The following LYPD4 variants were observed in gnomAD, a reference collection of about 807,000 sequenced individuals.
The protein encoded by LYPD4 is LY6/PLAUR domain containing 4.
In LYPD4, 20 loss-of-function variants were observed where a neutral mutation model predicts 18.2. The observed-to-expected ratio is 1.10, with a 90% confidence interval of 0.77 to 1.59. LYPD4 has a LOEUF of 1.59. LYPD4 is among the 40% of genes most tolerant of loss of function. LYPD4 has a pLI of 0.00. For missense variants in LYPD4, 278 were observed against 300.3 expected (o/e 0.93, Z 0.55); for synonymous variants, 111 against 118.3 (o/e 0.94, Z 0.40).
At chr19:41,836,532 A>T (rs2123062670), downstream of LYPD4, among the ~76,000 whole-genome samples, 1 of 152,028 alleles carries the variant, frequency 6.6e-6, no homozygotes, top group South Asian at 2.1e-4. Context: ...CTGTATGTAA[A>T]ACACTAGCAC....
intron 3 of LYPD4, 79 bp downstream of exon 3, chr19:41,838,802 C>T (rs2073468583): frequency 2.2e-6 from 3 of 1,347,116 alleles, no homozygotes; most frequent in Non-Finnish European, 3.1e-6. Context: ...TTCTAATCTA[C>T]AGTCCCTCGG....
intron 2 of LYPD4, 44 bp from the exon 3 acceptor site, chr19:41,839,068 C>T (rs781886319): frequency 6.2e-7 from 1 of 1,611,180 alleles, no homozygotes; most frequent in South Asian, 1.1e-5. Context: ...CTCATATCAT[C>T]TTCTGAGCCC....
intron 1 of LYPD4, among the ~76,000 whole-genome samples, chr19:41,842,677 C>T (rs371356833): frequency 7.1e-6 from 1 of 140,738 alleles, no homozygotes; most frequent in African/African-American, 2.6e-5. Flanking sequence ...AGAAGAATTG[C>T]TTGAACCCAG....
chr19:41,837,783 C>T (rs1176118951), intron 4 of LYPD4, 152 bp downstream of exon 4: 5 of 801,878 alleles, frequency 6.2e-6, no homozygotes, highest in Admixed American at 3.2e-5. Context: ...AGGCACCAGG[C>T]GCCTTCCCCT....
rs1331307799 is a variant in LYPD4, at chr19:41,838,185, A to G, written c.288T>C (p.Val96=). 1.8e-5 allele frequency: 29 copies of G among 1,596,584 alleles called. No individual in the cohort carries two copies. Among genetic ancestry groups the G allele is most frequent in the Non-Finnish European group, 2.5e-5 (29 of 1,169,728 alleles). ...SSYPAQISYL[V]SPPGVSIASY... is the part of the protein sequence containing the mutation. ...AGGCAATGGACACTCCGGGTGGGGA[A>G]ACAAGGTAGGAGATTTGCGCAGGGT... The change falls in exon 4 of 5, where the codon GTT becomes GTC. Residue 96 remains valine (V), a synonymous_variant. Transcript: ENST00000609812.
At chr19:41,842,184 A>T (rs564160897) in intron 1 of LYPD4, among the ~76,000 whole-genome samples, 1 of 152,168 alleles carries the variant, frequency 6.6e-6, no homozygotes, top group East Asian at 1.9e-4. Flanking sequence ...CTGGGACTAC[A>T]GGTGTGCGCC....
chr19:41,836,287 CAAAAAAAAAAAAAAAAAAAAAAAAAAA>C (rs531204341), downstream of LYPD4, among the ~76,000 whole-genome samples: 47 of 19,948 alleles, frequency 2.4e-3, no homozygotes, highest in Admixed American at 9.1e-3. Context: ...GCCAACTTAC[CAAAAAAAAAAAAAAAAAAAAAAAAAAA>C]AAAAAAAAAA....
intron 1 of LYPD4, among the ~76,000 whole-genome samples, chr19:41,840,665 T>C (rs2073554268): frequency 6.6e-6 from 1 of 150,582 alleles, no homozygotes; most frequent in South Asian, 2.1e-4. Flanking sequence ...ACCCCATCTC[T>C]AAAAACACAA....
chr19:41,842,764 C>CAAAAAAAAAAAAAAAAAAAAAAAAAA (rs782233081), intron 1 of LYPD4, among the ~76,000 whole-genome samples: 1 of 49,794 alleles, frequency 2.0e-5, no homozygotes, highest in Non-Finnish European at 3.2e-5. Context: ...TCCGTCTAAA[C>CAAAAAAAAAAAAAAAAAAAAAAAAAA]AAAAAAAAAA....
chr19:41,838,957 C>G lies in LYPD4; in HGVS notation c.135G>C (p.Trp45Cys), dbSNP rs2073478372. 1 of 1,613,852 alleles carries G rather than the reference C, an allele frequency of 6.2e-7. No individual in the cohort carries two copies. The highest frequency in any genetic ancestry group is 1.1e-5 in the South Asian group (1 of 91,072). Residue 45 changes from tryptophan to cysteine, a missense_variant, in exon 3 of 5, where the codon TGG becomes TGC. Coordinates refer to ENST00000609812, the MANE Select transcript of LYPD4 (RefSeq NM_173506.7). The part of the protein sequence containing the change: ...SRFRAVAFHN[W>C]KWLLMRNMVC... ...CCATGTTCCTCATCAGAAGCCACTT[C>G]CAGTTATGGAAAGCAACAGCTCTGA...
chr19:41,840,041 A>C (rs545227453), intron 1 of LYPD4, among the ~76,000 whole-genome samples: 2 of 150,356 alleles, frequency 1.3e-5, no homozygotes, highest in Non-Finnish European at 3.0e-5. Context: ...AGAGACAGAG[A>C]CTCCATTTCA....
intron 1 of LYPD4, among the ~76,000 whole-genome samples, 159 bp downstream of exon 1, chr19:41,843,419 T>C (rs1255236717): frequency 6.6e-6 from 1 of 152,084 alleles, no homozygotes; most frequent in Non-Finnish European, 1.5e-5. Flanking sequence ...CTCTTTATAA[T>C]CGTTGGTTAC....
chr19:41,836,596 G>C (rs1263301812), downstream of LYPD4, among the ~76,000 whole-genome samples: 2 of 152,058 alleles, frequency 1.3e-5, no homozygotes, highest in African/African-American at 4.8e-5. Context: ...AGTAATCCCA[G>C]ATAATAATCA....
At chr19:41,838,823 G>A (rs984405021) in intron 3 of LYPD4, 58 bp downstream of exon 3, 9 of 1,573,486 alleles carry the variant, frequency 5.7e-6, no homozygotes, top group Non-Finnish European at 7.8e-6. Context: ...TGCTGGGAGT[G>A]GAGCTGGGGG....
At position 41,844,290 on chromosome 19, in the gene LYPD4, A is replaced by C. The variant is rs921047310; in HGVS notation, c.-833T>G. ...GGAGGGTGGAGCCAGCCAGAAATTC[A>C]GAAAAACTAGAGGCGTCCCCGGTAG... On this transcript the variant is annotated 5_prime_UTR_variant, in exon 1 of 5. Coordinates refer to ENST00000609812, the MANE Select transcript of LYPD4 (RefSeq NM_173506.7). 22 of 152,374 alleles carry C rather than the reference A, an allele frequency of 1.4e-4. No homozygotes were observed. The highest frequency in any genetic ancestry group is 5.1e-4 in the African/African-American group (21 of 41,476). The allele number at this position is 152,374 out of a possible 1,614,324, so 9.4% of individuals were successfully genotyped here. A position where few individuals can be genotyped will look rare whatever the true frequency, so the allele number is the denominator to read the frequency against.
chr19:41,843,057 AAAAAAAAAAAAAAAAAAAAAC>A (rs1471145855), intron 1 of LYPD4, among the ~76,000 whole-genome samples: 2,106 of 59,106 alleles, frequency 0.036, 262 homozygotes, highest in African/African-American at 0.1. Flanking sequence ...AAAAAAAAAA[AAAAAAAAAAAAAAAAAAAAAC>A]CCCAACAACA....
At chr19:41,841,816 C>A (rs2123136280) in intron 1 of LYPD4, among the ~76,000 whole-genome samples, 1 of 152,108 alleles carries the variant, frequency 6.6e-6, no homozygotes, top group African/African-American at 2.4e-5. Flanking sequence ...ATAAAGGAAC[C>A]CTTGGCCCCT....
At chr19:41,836,327 A>C (rs12975124), downstream of LYPD4, among the ~76,000 whole-genome samples, 2 of 131,548 alleles carry the variant, frequency 1.5e-5, no homozygotes, top group African/African-American at 5.8e-5. Context: ...AAAAAAAAAA[A>C]CAACTACTGA....
rs1280086304 is a variant in LYPD4, at chr19:41,839,078, C to A, written c.68-54G>T. 6 of 1,610,172 alleles carry A rather than the reference C, an allele frequency of 3.7e-6. No individual in the cohort carries two copies. The South Asian group carries it at 6.6e-5, about 18-fold the overall frequency. On this transcript the variant is annotated intron_variant, in intron 2 of 4. Transcript: ENST00000609812. ...GGCCCCTCATATCATCTTCTGAGCC[C>A]GTTAACTGCCAACCAAGAGTTCAGC...
Sources: allele counts gnomAD v4.1 joint callset (sites outside exome capture counted in the v4.1 genomes callset), GRCh38; gene constraint gnomAD v4.1.1; transcripts MANE v1.5; gene names NCBI Gene and HGNC (gene_info 2026-07-23, HGNC 2026-07-21).